Variants in LPO observed in about 807,000 individuals in gnomAD.
The protein encoded by LPO is salivary peroxidase.
A neutral mutation model predicts 68.4 loss-of-function variants in LPO; 70 were observed. The ratio of observed to expected loss-of-function variants is 1.02; its 90% CI spans 0.84 to 1.25. The LOEUF is 1.25. Ranked by LOEUF, LPO falls within the 50% of genes most tolerant of loss-of-function variation. LPO has a pLI of 0.00. For missense variants in LPO, 873 were observed against 908.4 expected, an observed-to-expected ratio of 0.96 and a Z score of 0.50; for synonymous variants, 360 against 357.6, an observed-to-expected ratio of 1.01 and a Z score of -0.08.
chr17:58,254,127 T>TGATA (rs1970015862), intron 8 of LPO, among the ~76,000 whole-genome samples: 4 of 105,656 alleles, frequency 3.8e-5, no homozygotes, highest in African/African-American at 1.7e-4. Context: ...AGATAGATGA[T>TGATA]GATAGATATA....
Position 58,250,525 on chromosome 17 carries a change from G to T in LPO, c.684G>T (p.Leu228=), listed in dbSNP as rs1443884940. Residue 228 remains leucine, a synonymous_variant, in exon 7 of 13, where the codon CTG becomes CTT. Coordinates refer to ENST00000262290, the MANE Select transcript of LPO (RefSeq NM_006151.3). ...MQWGQIVDHD[L]DFAPDTELGS... ...GGGGTCAGATTGTGGATCATGACCT[G>T]GACTTTGCCCCTGACACCGAGCTGG... is the stretch of plus-strand genomic sequence containing the variant. 1 of 1,614,086 alleles carries T rather than the reference G, an allele frequency of 6.2e-7. No individual in the cohort carries two copies. Among genetic ancestry groups the T allele is most frequent in the South Asian group, 1.1e-5 (1 of 91,064 alleles).
chr17:58,242,675 G>C (rs536144627), intron 1 of LPO, among the ~76,000 whole-genome samples: 61 of 152,342 alleles, frequency 4.0e-4, no homozygotes, highest in African/African-American at 1.4e-3. Flanking sequence ...CCCCAGAGAT[G>C]TTAAGTAACC....
At chr17:58,241,562 G>A (rs1158834042) in intron 1 of LPO, among the ~76,000 whole-genome samples, 1 of 152,156 alleles carries the variant, frequency 6.6e-6, no homozygotes. Context: ...AGAGGGATAG[G>A]AGGTCACAGA....
Position 58,257,868 on chromosome 17 carries a change from G to T in LPO, c.1266+2897G>T, listed in dbSNP as rs146860703. Among the ~76,000 whole-genome samples the T allele has an allele frequency of 4.0e-3, 609 of 152,256 alleles. 4 individuals carry two copies. Among genetic ancestry groups the T allele is most frequent in the African/African-American group, 0.014 (572 of 41,556 alleles). ...TAATATCTCATTGTAGTTTTGATCT[G>T]CATTTCTCTGATGATCAATGATGTT... On this transcript the variant is annotated intron_variant, in intron 9 of 12. Transcript: ENST00000262290.
intron 6 of LPO, 95 bp from the exon 7 acceptor site, chr17:58,250,320 G>T (rs965478335): frequency 6.2e-6 from 6 of 973,774 alleles, no homozygotes; most frequent in Non-Finnish European, 9.9e-6. Flanking sequence ...AAGTGCACTT[G>T]TAACATGGTA....
intron 11 of LPO, 63 bp downstream of exon 11, chr17:58,266,389 G>A (rs1468124544): frequency 6.5e-7 from 1 of 1,530,980 alleles, no homozygotes; most frequent in Non-Finnish European, 8.9e-7. Context: ...GGCTCCTGGA[G>A]ACTCTCTTCT....
At chr17:58,258,320 T>C (rs774991023) in intron 9 of LPO, among the ~76,000 whole-genome samples, 1 of 152,220 alleles carries the variant, frequency 6.6e-6, no homozygotes, top group Non-Finnish European at 1.5e-5. Context: ...TTTTTATATA[T>C]GGGTAAAAGA....
intron 9 of LPO, among the ~76,000 whole-genome samples, chr17:58,256,805 C>T (rs1010881281): frequency 9.1e-5 from 12 of 132,556 alleles, no homozygotes; most frequent in African/African-American, 3.4e-4. Flanking sequence ...CCAGCCTGGG[C>T]AACAGAGTGA....
chr17:58,243,151 G>C, intron 2 of LPO, 96 bp downstream of exon 2: 1 of 1,258,892 alleles, frequency 7.9e-7, no homozygotes, highest in Non-Finnish European at 1.1e-6. Flanking sequence ...CTCACAGTAC[G>C]GGAGGATAGA....
Position 58,252,525 on chromosome 17 carries a change from C to T in LPO, c.1105+19C>T. The T allele has an allele frequency of 6.2e-7, 1 of 1,601,436 alleles. No homozygotes were observed. Among genetic ancestry groups the T allele is most frequent in the Non-Finnish European group, 8.5e-7 (1 of 1,171,880 alleles). On this transcript the variant is annotated intron_variant, in intron 8 of 12. Coordinates refer to ENST00000262290, the MANE Select transcript of LPO (RefSeq NM_006151.3). ...CTGGCAGGTGAGTCTAGCCTGGGAA[C>T]AGAAGGGCCCAAGGACAAGGGGATT...
Position 58,264,996 on chromosome 17 carries a change from C to T in LPO, c.1519+22C>T, listed in dbSNP as rs1475867996. On this transcript the variant is annotated intron_variant, in intron 10 of 12. Coordinates refer to ENST00000262290, the MANE Select transcript of LPO (RefSeq NM_006151.3). ...GATGGTATGCCCTTTCAGGGAAGTG[C>T]TGTCACCTGGGTCTCCCACTCCGCA... 4.3e-6 allele frequency: 7 copies of T among 1,611,764 alleles called. No individual in the cohort carries two copies. In the African/African-American group the frequency reaches 9.3e-5, roughly 22 times the overall value.
chr17:58,257,677 A>G (rs1213422669), intron 9 of LPO, among the ~76,000 whole-genome samples: 9 of 152,250 alleles, frequency 5.9e-5, no homozygotes, highest in Admixed American at 5.9e-4. Flanking sequence ...TTGCTGGATC[A>G]TATGGCAGCT....
At chr17:58,257,968 T>C (rs963893740) in intron 9 of LPO, among the ~76,000 whole-genome samples, 1 of 152,234 alleles carries the variant, frequency 6.6e-6, no homozygotes, top group Non-Finnish European at 1.5e-5. Context: ...CTTTTGCCTA[T>C]CTTTTGATTG....
rs778556652 is a variant in LPO, at chr17:58,249,042, G to T, written c.326-18G>T. 7.5e-6 allele frequency: 12 copies of T among 1,597,032 alleles called. No homozygotes were observed. In the Admixed American group the frequency reaches 2.0e-4, roughly 27 times the overall value. ...ATGGAGAAAGAACTCAGTCCCTTTGGGGTCCCTTCTGTTTCAGATCCCAGC... is the reference window on the plus strand; with the variant it reads ...ATGGAGAAAGAACTCAGTCCCTTTGTGGTCCCTTCTGTTTCAGATCCCAGC... On this transcript the variant is annotated intron_variant, in intron 4 of 12. Coordinates refer to ENST00000262290, the MANE Select transcript of LPO (RefSeq NM_006151.3).
At chr17:58,261,055 T>G (rs1970166030) in intron 9 of LPO, among the ~76,000 whole-genome samples, 1 of 152,204 alleles carries the variant, frequency 6.6e-6, no homozygotes, top group Non-Finnish European at 1.5e-5. Flanking sequence ...GTGGACTATC[T>G]TGTTGAATAT....
Position 58,267,805 on chromosome 17 carries a change from T to C in LPO, c.1950T>C (p.Pro650=), listed in dbSNP as rs1970301539. ...TCTGCAGGTTCTGGTGGGAAAACCC[T>C]GGGGTCTTCACGAACGAGCAGAAGG... The part of the protein sequence containing the change: ...RDGDRFWWEN[P]GVFTNEQKDS... Residue 650 remains proline (P), a synonymous_variant, in exon 13 of 13, where the codon CCT becomes CCC. Coordinates refer to ENST00000262290, the MANE Select transcript of LPO (RefSeq NM_006151.3). The C allele has an allele frequency of 3.1e-6, 5 of 1,614,122 alleles. No individual in the cohort carries two copies. In the East Asian group the frequency reaches 1.1e-4, roughly 36 times the overall value.
chr17:58,247,229 CAT>C (rs1969867360), intron 3 of LPO, among the ~76,000 whole-genome samples: 2 of 152,222 alleles, frequency 1.3e-5, no homozygotes, highest in Admixed American at 1.3e-4. Flanking sequence ...CCAACACAGT[CAT>C]CACTAACCAC....
intron 8 of LPO, among the ~76,000 whole-genome samples, chr17:58,254,144 T>TAG (rs1567819842): frequency 1.5e-4 from 10 of 64,872 alleles, no homozygotes; most frequent in African/African-American, 6.8e-4. Flanking sequence ...TATATAGATA[T>TAG]ATAGATATAT....
intron 1 of LPO, among the ~76,000 whole-genome samples, chr17:58,240,309 C>G: frequency 6.6e-6 from 1 of 152,102 alleles, no homozygotes; most frequent in East Asian, 1.9e-4. Context: ...GCTTCATGTC[C>G]CAGGGAAGGC....
Sources: gnomAD v4.1 joint callset for allele counts (sites outside exome capture counted in the v4.1 genomes callset) on GRCh38, gnomAD v4.1.1 for gene constraint, MANE v1.5 for transcripts, NCBI Gene and HGNC (gene_info 2026-07-23, HGNC 2026-07-21) for gene names.